CPD: variants seen among roughly 807,000 people sequenced by gnomAD.
The protein encoded by CPD is metallocarboxypeptidase D.
In CPD, 69 loss-of-function variants were observed where a neutral mutation model predicts 138.3. The observed-to-expected ratio is 0.50, with a 90% CI of 0.41 to 0.61. CPD has a LOEUF of 0.61. Among genes scored for constraint, CPD ranks in the 20% least tolerant of loss-of-function variants. The probability of loss-of-function intolerance (pLI) is 0.00; values close to 1 mark genes in which losing one functional copy is unlikely to be tolerated. For missense variants in CPD, 1,432 were observed against 1,733.3 expected (o/e 0.83, Z 3.09); for synonymous variants, 651 against 642.1 (o/e 1.01, Z -0.21).
chr17:30,456,724 C>T, intron 17 of CPD, 198 bp downstream of exon 17: 1 of 480,788 alleles, frequency 2.1e-6, no homozygotes, highest in Admixed American at 3.3e-5. Context: ...CGCCCGTAAT[C>T]CCAGCTACTT....
At chr17:30,421,181 T>G (rs529553100) in intron 3 of CPD, among the ~76,000 whole-genome samples, 198 bp downstream of exon 3, 2 of 152,314 alleles carry the variant, frequency 1.3e-5, no homozygotes, top group South Asian at 4.1e-4. Flanking sequence ...CCCTGCCCCT[T>G]ACCCCCAGCT....
intron 14 of CPD, among the ~76,000 whole-genome samples, chr17:30,453,111 C>T (rs1913207420): frequency 6.6e-6 from 1 of 152,156 alleles, no homozygotes; most frequent in African/African-American, 2.4e-5. Context: ...ACTGGCCCCT[C>T]CCAAATCTCA....
chr17:30,448,631 C>T (rs1444787707), intron 12 of CPD, among the ~76,000 whole-genome samples: 2 of 152,066 alleles, frequency 1.3e-5, no homozygotes, highest in African/African-American at 4.8e-5. Flanking sequence ...GTAAATCTCC[C>T]TTTATGCTAA....
intron 14 of CPD, 53 bp downstream of exon 14, chr17:30,451,899 C>G: frequency 1.3e-6 from 2 of 1,541,134 alleles, no homozygotes; most frequent in Admixed American, 1.8e-5. Flanking sequence ...TTTCTTTCTG[C>G]TAGAAGATTG....
intron 6 of CPD, 80 bp downstream of exon 6, chr17:30,423,777 G>A (rs1597720379): frequency 8.9e-7 from 1 of 1,122,226 alleles, no homozygotes; most frequent in East Asian, 2.8e-5. Context: ...ATTTGAACTG[G>A]TTCTTTTGGA....
At chr17:30,399,942 G>A (rs1466179838) in intron 2 of CPD, among the ~76,000 whole-genome samples, 4 of 152,296 alleles carry the variant, frequency 2.6e-5, no homozygotes, top group Admixed American at 2.6e-4. Flanking sequence ...AGTGAGCCGA[G>A]ATTGTACCAC....
At position 30,379,743 on chromosome 17, in the gene CPD, C is replaced by T. The variant is rs1910992898; in HGVS notation, c.746+17C>T. On this transcript the variant is annotated intron_variant, in intron 1 of 20. Coordinates refer to ENST00000225719, the MANE Select transcript of CPD (RefSeq NM_001304.5). This position sits in a 1 kb window ranked among gnomAD's most constrained non-coding sequence, Gnocchi z 7.0. ...CAGGAACAAGTGAGTGTTGCCTGCC[C>T]CCTCCCCGTCCGTGTGAGCCTCCAA... is the stretch of plus-strand genomic sequence containing the variant. 5 of 1,425,408 alleles carry T rather than the reference C, an allele frequency of 3.5e-6. No homozygotes were observed. The highest frequency in any genetic ancestry group is 4.6e-6 in the Non-Finnish European group (5 of 1,095,354). The allele number at this position is 1,425,408 out of a possible 1,614,324, so 88.3% of individuals were successfully genotyped here. A position where few individuals can be genotyped will look rare whatever the true frequency, so the allele number is the denominator to read the frequency against.
In CPD at chr17:30,420,855, T is replaced by G. The variant is rs1912246305; in HGVS notation, c.1009T>G (p.Tyr337Asp). The change falls in exon 3 of 21, where the codon TAC becomes GAC. Residue 337 changes from tyrosine (Y) to aspartate (D), a missense_variant. This residue lies in a region of CPD where 160 missense variants were observed against 197.9 expected (regional missense o/e 0.81). Coordinates refer to ENST00000225719, the MANE Select transcript of CPD (RefSeq NM_001304.5). ...WYDVEGGMQD[Y>D]NYVWANCFEI... is the part of the protein sequence containing the mutation. ...CTATGTTACAGGTGGTATGCAAGAT[T>G]ACAATTATGTGTGGGCCAACTGTTT... is the stretch of plus-strand genomic sequence containing the variant. The G allele has an allele frequency of 6.2e-7, 1 of 1,610,878 alleles. No homozygotes were observed. The highest frequency in any genetic ancestry group is 1.1e-5 in the South Asian group (1 of 90,512).
At chr17:30,446,051 T>G (rs1271656361) in intron 12 of CPD, 31 bp downstream of exon 12, 2 of 1,507,744 alleles carry the variant, frequency 1.3e-6, no homozygotes, top group Non-Finnish European at 1.8e-6. Context: ...TCTTTTTTTT[T>G]TTTTCAAGAC....
chr17:30,451,282 TAAATC>T (rs781443472), intron 13 of CPD, among the ~76,000 whole-genome samples: 9 of 152,328 alleles, frequency 5.9e-5, no homozygotes, highest in Admixed American at 2.6e-4. Context: ...GACATGAACT[TAAATC>T]AGACTGACCA....
At position 30,433,248 on chromosome 17, in the gene CPD, C is replaced by T. The variant is rs544344714; in HGVS notation, c.2127+1367C>T. On this transcript the variant is annotated intron_variant, in intron 8 of 20. Coordinates refer to ENST00000225719, the MANE Select transcript of CPD (RefSeq NM_001304.5). ...CATATATGTTTTTTTGAAGTACATA[C>T]GTGGAGTAATAAGAGAATGTATAGT... Among the ~76,000 whole-genome samples the T allele has an allele frequency of 2.5e-4, 38 of 152,156 alleles. 1 individual carries two copies. Among genetic ancestry groups the T allele is most frequent in the African/African-American group, 7.9e-4 (33 of 41,514 alleles).
chr17:30,437,678 C>T (rs1912738215), intron 8 of CPD, among the ~76,000 whole-genome samples: 1 of 151,970 alleles, frequency 6.6e-6, no homozygotes, highest in African/African-American at 2.4e-5. Flanking sequence ...CAAACAAGAC[C>T]CAGTTTCAAA....
intron 14 of CPD, chr17:30,455,117 A>G: frequency 2.6e-6 from 1 of 390,576 alleles, no homozygotes; most frequent in East Asian, 4.3e-5. Flanking sequence ...GCTTAGAGTC[A>G]TTAGTATATA....
At chr17:30,451,611 A>C in intron 13 of CPD, 100 bp from the exon 14 acceptor site, 1 of 1,033,732 alleles carries the variant, frequency 9.7e-7, no homozygotes, top group Non-Finnish European at 1.4e-6. Flanking sequence ...TTTTAAATTA[A>C]CTATGTGTAG....
chr17:30,397,503 C>G (rs537097862), intron 2 of CPD, among the ~76,000 whole-genome samples: 18 of 151,940 alleles, frequency 1.2e-4, no homozygotes, highest in Middle Eastern at 3.4e-3. Context: ...GAGGCCGATG[C>G]AGAAGGATTA....
At chr17:30,419,630 T>C (rs772029338) in intron 2 of CPD, among the ~76,000 whole-genome samples, 1 of 148,450 alleles carries the variant, frequency 6.7e-6, no homozygotes, top group Non-Finnish European at 1.5e-5. Flanking sequence ...CATGGGCCAT[T>C]GCACCCAGCC....
At chr17:30,417,169 C>T (rs1912132023) in intron 2 of CPD, among the ~76,000 whole-genome samples, 2 of 151,006 alleles carry the variant, frequency 1.3e-5, no homozygotes, top group South Asian at 2.1e-4. Context: ...TATTTGTTTA[C>T]TGTCTGCTTC....
At chr17:30,449,820 A>T in intron 13 of CPD, 72 bp downstream of exon 13, 5 of 1,360,696 alleles carry the variant, frequency 3.7e-6, no homozygotes, top group Non-Finnish European at 4.0e-6. Context: ...CACCATTTTT[A>T]AAATTTTTAA....
At chr17:30,428,088 A>G (rs1041461119) in intron 7 of CPD, among the ~76,000 whole-genome samples, 1 of 152,190 alleles carries the variant, frequency 6.6e-6, no homozygotes, top group Non-Finnish European at 1.5e-5. Context: ...AAACTCTTTT[A>G]TGTAAATTTA....
Sources: allele counts gnomAD v4.1 joint callset (sites outside exome capture counted in the v4.1 genomes callset), GRCh38; gene constraint gnomAD v4.1.1; regional missense constraint gnomAD v4.1.1; non-coding constraint Gnocchi (gnomAD v3.1); transcripts MANE v1.5; gene names NCBI Gene and HGNC (gene_info 2026-07-23, HGNC 2026-07-21).